USP31: variants seen among roughly 807,000 people sequenced by gnomAD.
USP31 encodes the protein ubiquitin carboxyl-terminal hydrolase 31.
USP31 carries 44 observed loss-of-function variants against 119.4 expected under a neutral mutation model. The observed-to-expected ratio is 0.37, with a 90% CI of 0.29 to 0.47. The LOEUF is 0.47. USP31 is among the 20% of genes least tolerant of loss of function. The pLI is 0.99. For missense variants in USP31, 1,643 were observed against 1,730.2 expected (o/e 0.95, Z 0.89); for synonymous variants, 749 against 705.6 (o/e 1.06, Z -0.97).
intron 5 of USP31, 122 bp from the exon 6 acceptor site, chr16:23,102,585 G>A (rs1278694370): frequency 4.4e-6 from 5 of 1,129,232 alleles, no homozygotes; most frequent in African/African-American, 1.6e-5. Context: ...ATCTCGCAGA[G>A]CCCACTTTAT....
chr16:23,103,852 T>G (rs758119937), intron 5 of USP31, among the ~76,000 whole-genome samples: 7 of 152,068 alleles, frequency 4.6e-5, no homozygotes, highest in Non-Finnish European at 1.0e-4. Flanking sequence ...AAGGTTGAGG[T>G]TGCAGTGAGC....
chr16:23,068,593 G>T lies in USP31; in HGVS notation c.3512C>A (p.Thr1171Asn). 1 of 1,614,202 alleles carries T rather than the reference G, an allele frequency of 6.2e-7. No individual in the cohort carries two copies. The highest frequency in any genetic ancestry group is 8.5e-7 in the Non-Finnish European group (1 of 1,180,038). Residue 1171 changes from threonine to asparagine, a missense_variant, in exon 16 of 16, where the codon ACC (threonine) becomes AAC (asparagine). Thr to Asn is a moderately conservative substitution (Grantham distance 65, BLOSUM62 0). Transcript: ENST00000219689. ...QSLGSDRASATSTSKPNSPRV... is the reference protein window; with the variant it reads ...QSLGSDRASANSTSKPNSPRV... ...AGGGGAATTGGGTTTGGAGGTGGAGGTGGCGCTGGCTCTGTCAGAACCCAA... is the reference window on the plus strand; with the variant it reads ...AGGGGAATTGGGTTTGGAGGTGGAGTTGGCGCTGGCTCTGTCAGAACCCAA...
chr16:23,128,311 G>A (rs1286266760), intron 1 of USP31, among the ~76,000 whole-genome samples: 5 of 152,072 alleles, frequency 3.3e-5, no homozygotes, highest in Admixed American at 2.0e-4. Flanking sequence ...TTGCATTCTC[G>A]TTTGACATGC....
At position 23,148,658 on chromosome 16, in the gene USP31, G is replaced by T; in HGVS notation, c.613C>A (p.Gln205Lys). Residue 205 changes from glutamine to lysine, a missense_variant, in exon 1 of 16, where the codon CAG becomes AAG. By Grantham distance (53) the Gln-to-Lys change is moderately conservative (BLOSUM62 1). Around this residue, in one of 5 missense-constraint regions of USP31, gnomAD observed 144 missense variants for 218.0 expected, o/e 0.66. Coordinates refer to ENST00000219689, the MANE Select transcript of USP31 (RefSeq NM_020718.4). ...CTCACCTTGAAGTCGCGGCTGTGCT[G>T]CGGGGTGTACTCCAGGGTCCAGAGG... ...RALWTLEYTP[Q>K]HSRDFKTIVS... is the part of the protein sequence containing the mutation. 6.7e-7 allele frequency: 1 copy of T among 1,496,688 alleles called. No homozygotes were observed. The highest frequency in any genetic ancestry group is 8.9e-7 in the Non-Finnish European group (1 of 1,127,006). 92.7% of individuals were successfully genotyped at this position (1,496,688 alleles called of 1,614,324 possible).
rs1903645282 is a variant in USP31, at chr16:23,149,242, C to CGTTACCTTGGACATGGTAA, written c.28_29insTTACCATGTCCAAGGTAAC (p.Gly10ValfsTer76). The CGTTACCTTGGACATGGTAA allele has an allele frequency of 8.9e-7, 1 of 1,119,340 alleles. No homozygotes were observed. The highest frequency in any genetic ancestry group is 1.7e-5 in the African/African-American group (1 of 59,652). 69.3% of individuals were successfully genotyped at this position (1,119,340 alleles called of 1,614,324 possible). ...CTTCCCGCTCGCCGCCGCCGGCGGC[C>CGTTACCTTGGACATGGTAA]CGGACCCAGGCGCCGTTACCTTGGA... is the stretch of plus-strand genomic sequence containing the variant. On this transcript the variant is annotated frameshift_variant, in exon 1 of 16. Transcript: ENST00000219689. LOFTEE classifies it high-confidence loss of function.
chr16:23,141,641 T>C (rs1482549127), intron 1 of USP31, among the ~76,000 whole-genome samples: 1 of 152,192 alleles, frequency 6.6e-6, no homozygotes, highest in Non-Finnish European at 1.5e-5. Context: ...CCTCCCAAAG[T>C]GCTGGGATTA....
rs1371913610 is a variant in USP31, at chr16:23,106,981, G to A, written c.772-494C>T. ...TACAAAATTAGCCGGCTGTGGTGGC[G>A]CATGCCTGTAATCCCAGCTACTCAG... On this transcript the variant is annotated intron_variant, in intron 2 of 15. Transcript: ENST00000219689. Among the ~76,000 whole-genome samples, 4 of 151,848 alleles carry A rather than the reference G, an allele frequency of 2.6e-5. 1 individual carries two copies. Among genetic ancestry groups the A allele is most frequent in the South Asian group, 4.2e-4 (2 of 4,802 alleles).
intron 15 of USP31, among the ~76,000 whole-genome samples, chr16:23,071,472 GA>G (rs59039583): frequency 0.6 from 80,982 of 135,864 alleles, 22,321 homozygotes; most frequent in Non-Finnish European, 0.64. Flanking sequence ...AGTTTAAAAA[GA>G]AAAAAAAAAA....
chr16:23,131,208 G>A (rs943156596), intron 1 of USP31, among the ~76,000 whole-genome samples: 11 of 152,146 alleles, frequency 7.2e-5, no homozygotes, highest in Non-Finnish European at 1.2e-4. Context: ...GGAGGATGAG[G>A]CAAGAGGATC....
chr16:23,128,779 G>A (rs948985112), intron 1 of USP31, among the ~76,000 whole-genome samples: 6 of 152,054 alleles, frequency 3.9e-5, no homozygotes, highest in Admixed American at 1.3e-4. Flanking sequence ...ATAACACCAC[G>A]ACAGAAAGTT....
intron 1 of USP31, among the ~76,000 whole-genome samples, chr16:23,118,218 T>C (rs1902559430): frequency 1.3e-5 from 2 of 152,206 alleles, no homozygotes; most frequent in South Asian, 4.1e-4. Context: ...TAAAAGCATT[T>C]TGTAAAGTCT....
At chr16:23,124,824 G>T (rs988182858) in intron 1 of USP31, among the ~76,000 whole-genome samples, 1 of 152,300 alleles carries the variant, frequency 6.6e-6, no homozygotes, top group Admixed American at 6.5e-5. Flanking sequence ...GGGAGGTGGA[G>T]GTTGCAATGA....
chr16:23,063,478 C>T lies in USP31; in HGVS notation c.*4568G>A, dbSNP rs1172290454. ...AAAAATTAAAATCTATAGAAAATGG[C>T]AGGTTATTTTTAGAACAAAACACTT... On this transcript the variant is annotated 3_prime_UTR_variant, in exon 16 of 16. Transcript: ENST00000219689. 1 of 152,562 alleles carries T rather than the reference C, an allele frequency of 6.6e-6. No individual in the cohort carries two copies. Among genetic ancestry groups the T allele is most frequent in the Non-Finnish European group, 1.5e-5 (1 of 68,028 alleles). 9.5% of individuals were successfully genotyped at this position (152,562 alleles called of 1,614,324 possible).
At chr16:23,115,094 A>G (rs557501041) in intron 1 of USP31, among the ~76,000 whole-genome samples, 1 of 152,284 alleles carries the variant, frequency 6.6e-6, no homozygotes, top group Admixed American at 6.5e-5. Context: ...TCATCAAATG[A>G]GCAGATAAGA....
rs578244236 is a variant in USP31 at position 23,100,762 on chromosome 16, G to A, written c.1234+1557C>T. ...TCTCAAAAAGAAAAAAAGAGAGAGA[G>A]AAAGTCGAATAATGAGTGCTTAGAG... On this transcript the variant is annotated intron_variant, in intron 6 of 15. Coordinates refer to ENST00000219689, the MANE Select transcript of USP31 (RefSeq NM_020718.4). Among the ~76,000 whole-genome samples the A allele has an allele frequency of 1.4e-4, 22 of 152,258 alleles. No homozygotes were observed. In the South Asian group the frequency reaches 3.3e-3, roughly 23 times the overall value.
intron 1 of USP31, among the ~76,000 whole-genome samples, chr16:23,128,036 A>T (rs1902919712): frequency 6.6e-6 from 1 of 152,148 alleles, no homozygotes; most frequent in Non-Finnish European, 1.5e-5. Context: ...TACAAGTAGG[A>T]TTTTCAGCAT....
At chr16:23,106,089 G>A in intron 4 of USP31, 124 bp downstream of exon 4, 2 of 1,077,720 alleles carry the variant, frequency 1.9e-6, no homozygotes, top group Non-Finnish European at 2.7e-6. Flanking sequence ...AGCAATGACT[G>A]TATTCAATCC....
Position 23,064,048 on chromosome 16 carries a change from G to A in USP31, c.*3998C>T, listed in dbSNP as rs7195736. 41,743 of 152,470 alleles carry A rather than the reference G, an allele frequency of 0.27. 6,146 individuals carry two copies. The highest frequency in any genetic ancestry group is 0.35 in the Admixed American group (5,312 of 15,278). 9.4% of individuals were successfully genotyped at this position (152,470 alleles called of 1,614,324 possible). ...TAACAGCTACTTTTTGTGTTCGTTT[G>A]TGATAGGTACTGGTTTGTCAGCAAA... On this transcript the variant is annotated 3_prime_UTR_variant, in exon 16 of 16. Transcript: ENST00000219689.
At chr16:23,089,046 AC>A (rs1297386924) in intron 7 of USP31, among the ~76,000 whole-genome samples, 2 of 152,214 alleles carry the variant, frequency 1.3e-5, no homozygotes, top group Non-Finnish European at 2.9e-5. Context: ...CATGTAAATC[AC>A]CCAACCATAT....
Sources: gnomAD v4.1 joint callset for allele counts (sites outside exome capture counted in the v4.1 genomes callset) on GRCh38, gnomAD v4.1.1 for gene constraint, gnomAD v4.1.1 regional missense constraint, MANE v1.5 for transcripts, NCBI Gene and HGNC (gene_info 2026-07-23, HGNC 2026-07-21) for gene names.